UBE3D: variants seen among roughly 807,000 people sequenced by gnomAD.
UBE3D encodes E3 ubiquitin-protein ligase E3D.
Under a neutral mutation model 49.6 loss-of-function variants are expected in UBE3D, and 48 were observed. The observed-to-expected ratio is 0.97, with a 90% confidence interval of 0.77 to 1.23. The LOEUF is 1.23. Among genes scored for constraint, UBE3D ranks in the 50% most tolerant of loss-of-function variants. The pLI, the probability that UBE3D is intolerant of heterozygous loss-of-function variation, is 0.00. For missense variants in UBE3D, 452 were observed against 468.4 expected (o/e 0.96, Z 0.32); for synonymous variants, 189 against 174.2 (o/e 1.08, Z -0.67).
chr6:83,014,575 AC>A (rs1381818259), intron 8 of UBE3D, among the ~76,000 whole-genome samples: 1 of 152,156 alleles, frequency 6.6e-6, no homozygotes, highest in African/African-American at 2.4e-5. Context: ...CCCTATTTTA[AC>A]TTGAGGACCA....
intron 8 of UBE3D, among the ~76,000 whole-genome samples, chr6:82,986,345 C>T (rs948345641): frequency 2.6e-5 from 4 of 151,696 alleles, no homozygotes; most frequent in Non-Finnish European, 5.9e-5. Flanking sequence ...GTGGCACATG[C>T]CTGTAATCCG....
At chr6:82,957,766 C>T (rs2127774547) in intron 8 of UBE3D, among the ~76,000 whole-genome samples, 1 of 152,278 alleles carries the variant, frequency 6.6e-6, no homozygotes, top group African/African-American at 2.4e-5. Flanking sequence ...ACACTGAATG[C>T]TTCCTACATT....
intron 5 of UBE3D, among the ~76,000 whole-genome samples, chr6:83,027,297 G>A (rs548701685): frequency 4.6e-5 from 7 of 151,640 alleles, no homozygotes; most frequent in Admixed American, 3.9e-4. Flanking sequence ...TTAGCCGGGC[G>A]TGGAGGTGCA....
intron 8 of UBE3D, among the ~76,000 whole-genome samples, chr6:82,979,946 A>T (rs1397603241): frequency 2.0e-5 from 3 of 152,148 alleles, no homozygotes; most frequent in Non-Finnish European, 2.9e-5. Context: ...ATGGCCAAAG[A>T]GCATTCCTTT....
chr6:83,065,616 A>G, intron 1 of UBE3D, 26 bp downstream of exon 1: 1 of 1,612,614 alleles, frequency 6.2e-7, no homozygotes, highest in Non-Finnish European at 8.5e-7. Context: ...CGAGCTGGGC[A>G]CTGCGCCTAG....
In UBE3D at chr6:83,044,400, T is replaced by A. The variant is rs1279475400; in HGVS notation, c.597+28A>T. ...TCAGTATCTAAGACAGCCTCTAAAT[T>A]ACCATTTATTTTGAAATGATATTTT... On this transcript the variant is annotated intron_variant, in intron 4 of 9. Transcript: ENST00000369747. 2.5e-6 allele frequency: 4 copies of A among 1,603,130 alleles called. No homozygotes were observed. In the South Asian group the frequency reaches 4.4e-5, roughly 18 times the overall value.
At chr6:83,044,065 T>C (rs1333546721) in intron 4 of UBE3D, among the ~76,000 whole-genome samples, 1 of 152,220 alleles carries the variant, frequency 6.6e-6, no homozygotes, top group Non-Finnish European at 1.5e-5. Context: ...ATAGTAGATA[T>C]CCTGGAGCAA....
intron 9 of UBE3D, among the ~76,000 whole-genome samples, chr6:82,956,257 A>G (rs572209645): frequency 6.6e-6 from 1 of 152,332 alleles, no homozygotes; most frequent in East Asian, 1.9e-4. Flanking sequence ...TTGTATTCCC[A>G]CCAGCATCCG....
intron 9 of UBE3D, among the ~76,000 whole-genome samples, chr6:82,916,338 T>C (rs1181495933): frequency 6.6e-6 from 1 of 152,214 alleles, no homozygotes; most frequent in East Asian, 1.9e-4. Flanking sequence ...CATGAAGTAT[T>C]TAGACATTAC....
At chr6:82,953,247 A>T (rs1436395653) in intron 9 of UBE3D, among the ~76,000 whole-genome samples, 1 of 152,236 alleles carries the variant, frequency 6.6e-6, no homozygotes, top group African/African-American at 2.4e-5. Context: ...GTTGGGCATC[A>T]TTCCCATATT....
chr6:82,975,051 A>G (rs1334173128), intron 8 of UBE3D, among the ~76,000 whole-genome samples: 1 of 152,166 alleles, frequency 6.6e-6, no homozygotes, highest in African/African-American at 2.4e-5. Context: ...AATTTTGATA[A>G]TGATATCTAA....
At chr6:82,910,320 T>A (rs1415983493) in intron 9 of UBE3D, among the ~76,000 whole-genome samples, 2 of 152,228 alleles carry the variant, frequency 1.3e-5, no homozygotes, top group Non-Finnish European at 2.9e-5. Flanking sequence ...TTTCAGTAAA[T>A]ATTTGTTGCC....
chr6:82,932,110 T>C (rs1019527612), intron 9 of UBE3D, among the ~76,000 whole-genome samples: 20 of 152,190 alleles, frequency 1.3e-4, no homozygotes, highest in Middle Eastern at 3.2e-3. Context: ...TCCACGATGA[T>C]TGTAAGTTTC....
chr6:82,994,107 C>T (rs1486128430), intron 8 of UBE3D, among the ~76,000 whole-genome samples: 1 of 152,112 alleles, frequency 6.6e-6, no homozygotes, highest in Non-Finnish European at 1.5e-5. Flanking sequence ...TCTATGTATG[C>T]ATGTGTTTAT....
chr6:82,955,642 A>G (rs1776106757), intron 9 of UBE3D, among the ~76,000 whole-genome samples: 1 of 152,218 alleles, frequency 6.6e-6, no homozygotes. Context: ...ATGAATAAAT[A>G]AAATAAATAC....
intron 9 of UBE3D, among the ~76,000 whole-genome samples, chr6:82,946,806 T>G (rs1448117129): frequency 6.6e-6 from 1 of 152,116 alleles, no homozygotes; most frequent in Non-Finnish European, 1.5e-5. Flanking sequence ...GTTTTCTTTT[T>G]GCTTGTTTGT....
the UBE3D span, among the ~76,000 whole-genome samples, chr6:82,885,626 G>A: frequency 3.9e-5 from 6 of 151,992 alleles, no homozygotes; most frequent in East Asian, 1.9e-4. Flanking sequence ...TTTAACTACC[G>A]CATCTACATT....
At chr6:82,904,855 G>T (rs1771986309) in intron 9 of UBE3D, among the ~76,000 whole-genome samples, 1 of 152,114 alleles carries the variant, frequency 6.6e-6, no homozygotes, top group Non-Finnish European at 1.5e-5. Context: ...ATCTGAAGAA[G>T]AAACTATAAA....
At position 82,986,487 on chromosome 6, in the gene UBE3D, A is replaced by C. The variant is rs866915617; in HGVS notation, c.1011-29037T>G. 5.3e-4 allele frequency among the ~76,000 whole-genome samples: 79 copies of C among 150,004 alleles called. 1 individual carries two copies. The South Asian group carries it at 7.9e-3, about 15-fold the overall frequency. ...CTCTGTCTCAAAAAAAAAAAAAAAA[A>C]AAAAAAAAAAACTTTTGTACTCTTT... On this transcript the variant is annotated intron_variant, in intron 8 of 9. Coordinates refer to ENST00000369747, the MANE Select transcript of UBE3D (RefSeq NM_198920.3).
Sources: allele counts gnomAD v4.1 joint callset (sites outside exome capture counted in the v4.1 genomes callset), GRCh38; gene constraint gnomAD v4.1.1; transcripts MANE v1.5; gene names NCBI Gene and HGNC (gene_info 2026-07-23, HGNC 2026-07-21).